The following CAMK2A variants were observed in gnomAD, a reference collection of about 807,000 sequenced individuals.
CAMK2A encodes calcium/calmodulin dependent protein kinase II alpha.
In CAMK2A, 7 loss-of-function variants were observed where a neutral mutation model predicts 79.2. The observed-to-expected ratio is 0.09, with a 90% confidence interval of 0.05 to 0.17. The LOEUF (loss-of-function observed/expected upper bound fraction) is 0.17. CAMK2A is among the 10% of genes least tolerant of loss of function. CAMK2A has a pLI of 1.00. For synonymous variants in CAMK2A, 242 were observed against 251.7 expected (o/e 0.96, Z 0.36); for missense variants, 214 against 646.4 (o/e 0.33, Z 7.25).
chr5:150,289,001 C>A (rs993656652), intron 1 of CAMK2A, among the ~76,000 whole-genome samples: 4 of 152,182 alleles, frequency 2.6e-5, no homozygotes, highest in African/African-American at 9.7e-5. Context: ...AGATATTAAC[C>A]CCTACTGTAC....
chr5:150,229,800 T>C (rs1754762498), intron 16 of CAMK2A, among the ~76,000 whole-genome samples: 1 of 152,270 alleles, frequency 6.6e-6, no homozygotes, highest in Non-Finnish European at 1.5e-5. Context: ...TCCATGCTTT[T>C]ATGCAACACT....
intron 13 of CAMK2A, among the ~76,000 whole-genome samples, chr5:150,240,458 TGGAG>T (rs1488640346): frequency 1.3e-5 from 2 of 152,178 alleles, no homozygotes; most frequent in African/African-American, 4.8e-5. Context: ...CAGCCAGAAG[TGGAG>T]CTGAGTCTAG....
At chr5:150,249,162 C>T (rs773251678) in intron 11 of CAMK2A, among the ~76,000 whole-genome samples, 19 of 152,234 alleles carry the variant, frequency 1.2e-4, no homozygotes, top group African/African-American at 4.1e-4. Flanking sequence ...CTGGGGCCTC[C>T]GCCTCTTCCC....
intron 8 of CAMK2A, 27 bp from the exon 9 acceptor site, chr5:150,251,871 A>G: frequency 6.3e-7 from 1 of 1,577,188 alleles, no homozygotes; most frequent in Non-Finnish European, 8.7e-7. Context: ...AGAACCTTCA[A>G]CCCCCTGTGG....
intron 3 of CAMK2A, among the ~76,000 whole-genome samples, chr5:150,262,098 A>C (rs748235745): frequency 4.6e-5 from 7 of 152,156 alleles, no homozygotes; most frequent in Non-Finnish European, 8.8e-5. Flanking sequence ...CCCAAGAAGG[A>C]TCTGGGAGGT....
At position 150,268,017 on chromosome 5, in the gene CAMK2A, G is replaced by A. The variant is rs146190415; in HGVS notation, c.158-3002C>T. The stretch of plus-strand genomic sequence containing the variant: ...GCCTCCCGAGTAGCTGGGACTACAG[G>A]CACATGCCACCATGCCAGGCTAATA... On this transcript the variant is annotated intron_variant, in intron 2 of 18. Transcript: ENST00000671881. Among the ~76,000 whole-genome samples, 1,471 of 152,088 alleles carry A rather than the reference G, an allele frequency of 9.7e-3. 23 individuals are homozygous for A. The highest frequency in any genetic ancestry group is 0.034 in the African/African-American group (1,397 of 41,462).
chr5:150,262,692 C>T (rs1756350032), intron 3 of CAMK2A, among the ~76,000 whole-genome samples: 1 of 152,216 alleles, frequency 6.6e-6, no homozygotes, highest in Admixed American at 6.5e-5. Flanking sequence ...TTACCACACA[C>T]TAGGCTTTGT....
At chr5:150,242,612 C>G (rs1222066438) in intron 13 of CAMK2A, among the ~76,000 whole-genome samples, 1 of 152,188 alleles carries the variant, frequency 6.6e-6, no homozygotes, top group Non-Finnish European at 1.5e-5. Flanking sequence ...GACCCTCTCA[C>G]CAGGCCCCTG....
At position 150,219,991 on chromosome 5, in the gene CAMK2A, G is replaced by A. The variant is rs1026992594; in HGVS notation, c.*2719C>T. ...TGAGTCTCCCCTGCCTGCCACATCAGGATCATCCCTGGTGCCCTGTGGTGG... is the reference window on the plus strand; with the variant it reads ...TGAGTCTCCCCTGCCTGCCACATCAAGATCATCCCTGGTGCCCTGTGGTGG... On this transcript the variant is annotated 3_prime_UTR_variant, in exon 19 of 19. Coordinates refer to ENST00000671881, the MANE Select transcript of CAMK2A (RefSeq NM_015981.4). The A allele has an allele frequency of 6.5e-6, 1 of 152,854 alleles. No individual in the cohort carries two copies. The highest frequency in any genetic ancestry group is 1.9e-4 in the East Asian group (1 of 5,268). 9.5% of individuals were successfully genotyped at this position (152,854 alleles called of 1,614,324 possible).
chr5:150,243,281 G>A (rs1007336941), intron 13 of CAMK2A, among the ~76,000 whole-genome samples: 4 of 152,202 alleles, frequency 2.6e-5, no homozygotes, highest in East Asian at 1.9e-4. Context: ...ACAACCCACC[G>A]GTGTCTCTGG....
At chr5:150,261,466 G>A (rs188827832) in intron 3 of CAMK2A, among the ~76,000 whole-genome samples, 187 of 152,302 alleles carry the variant, frequency 1.2e-3, no homozygotes, top group Non-Finnish European at 1.6e-3. Flanking sequence ...TGACGTGTCC[G>A]TGCCCATTGA....
At chr5:150,236,740 C>T (rs950316388) in intron 15 of CAMK2A, among the ~76,000 whole-genome samples, 1 of 152,228 alleles carries the variant, frequency 6.6e-6, no homozygotes, top group Admixed American at 6.5e-5. Context: ...CATTTCTTGG[C>T]CTGCCACATG....
rs147127204 is a variant in CAMK2A at position 150,243,777 on chromosome 5, T to C, written c.984+1384A>G. ...AGGCTTAGGAGGTGGAGATCTCTTT[T>C]AACCTCATTGCATGAATGAAGAAGC... On this transcript the variant is annotated intron_variant, in intron 13 of 18. Transcript: ENST00000671881. 6.4e-3 allele frequency among the ~76,000 whole-genome samples: 969 copies of C among 151,588 alleles called. 8 individuals carry two copies. The highest frequency in any genetic ancestry group is 0.022 in the African/African-American group (915 of 41,308).
At chr5:150,236,313 T>C (rs535031745) in intron 15 of CAMK2A, among the ~76,000 whole-genome samples, 7 of 152,368 alleles carry the variant, frequency 4.6e-5, no homozygotes, top group African/African-American at 1.7e-4. Flanking sequence ...AAATAATCTT[T>C]GAGTAAAATT....
At chr5:150,262,568 C>A (rs1756344426) in intron 3 of CAMK2A, among the ~76,000 whole-genome samples, 1 of 152,124 alleles carries the variant, frequency 6.6e-6, no homozygotes. Context: ...ATTCTCAGTG[C>A]CTAGCAGAGA....
At position 150,239,716 on chromosome 5, in the gene CAMK2A, G is replaced by T. The variant is rs533694395; in HGVS notation, c.1005C>A (p.Ser335Arg). Residue 335 changes from serine (S) to arginine (R), a missense_variant, in exon 14 of 19, where the codon AGC becomes AGA. Transcript: ENST00000671881. ...GGCAGACACTCACCATTAACTGAAC[G>T]CTGGAACTGGACTTTCTTTTCTGGA... ...DGVKKRKSSS[S>R]VQLMESSEST... The T allele has an allele frequency of 6.2e-7, 1 of 1,613,968 alleles. No homozygotes were observed. Among genetic ancestry groups the T allele is most frequent in the South Asian group, 1.1e-5 (1 of 91,080 alleles).
At chr5:150,265,092 G>A (rs560886181) in intron 2 of CAMK2A, 77 bp from the exon 3 acceptor site, 42 of 1,119,272 alleles carry the variant, frequency 3.8e-5, no homozygotes, top group Middle Eastern at 1.9e-4. Flanking sequence ...TCAAAGCCTC[G>A]TATTATCTCC....
rs371430908 is a variant in CAMK2A at position 150,251,737 on chromosome 5, G to A, written c.693+13C>T. 34 of 1,579,330 alleles carry A rather than the reference G, an allele frequency of 2.2e-5. No individual in the cohort carries two copies. Among genetic ancestry groups the A allele is most frequent in the Non-Finnish European group, 2.8e-5 (33 of 1,161,924 alleles). On this transcript the variant is annotated intron_variant, in intron 9 of 18. Coordinates refer to ENST00000671881, the MANE Select transcript of CAMK2A (RefSeq NM_015981.4). Reference sequence around the variant, plus strand: ...AGAGGATGATGGGAGCTGAAGAGAGGAGCGACACTCACATCATAGGCGCCG... The same window carrying A: ...AGAGGATGATGGGAGCTGAAGAGAGAAGCGACACTCACATCATAGGCGCCG...
At chr5:150,259,615 T>G (rs1221625190) in intron 3 of CAMK2A, among the ~76,000 whole-genome samples, 1 of 152,196 alleles carries the variant, frequency 6.6e-6, no homozygotes, top group Non-Finnish European at 1.5e-5. Context: ...TTAAATATAT[T>G]CTAAAGCAAA....
Sources: allele counts gnomAD v4.1 joint callset (sites outside exome capture counted in the v4.1 genomes callset), GRCh38; gene constraint gnomAD v4.1.1; transcripts MANE v1.5; gene names NCBI Gene and HGNC (gene_info 2026-07-23, HGNC 2026-07-21).